Variants in RASSF2 observed in about 807,000 individuals in gnomAD.
RASSF2 encodes Ras association domain family member 2, also known as ras association domain-containing protein 2.
Under a neutral mutation model 46.3 loss-of-function variants are expected in RASSF2, and 34 were observed. The observed-to-expected ratio is 0.73, with a 90% confidence interval of 0.56 to 0.98. The LOEUF is 0.98. Among genes scored for constraint, RASSF2 ranks in the 50% least tolerant of loss-of-function variants. The pLI is 0.00. For synonymous variants in RASSF2, 158 were observed against 162.5 expected (o/e 0.97, Z 0.21); for missense variants, 364 against 431.2 (o/e 0.84, Z 1.38).
chr20:4,789,723 G>C (rs374042882), intron 7 of RASSF2, 26 bp from the exon 8 acceptor site: 13 of 1,594,082 alleles, frequency 8.2e-6, no homozygotes, highest in African/African-American at 2.7e-5. Context: ...CCCAGCTCAG[G>C]GTGGGAGTGG....
chr20:4,821,217 G>A (rs897171383), intron 2 of RASSF2, among the ~76,000 whole-genome samples: 13 of 152,080 alleles, frequency 8.5e-5, no homozygotes, highest in African/African-American at 2.7e-4. Context: ...AGGGTTGTCC[G>A]CCACACCAAC....
intron 2 of RASSF2, among the ~76,000 whole-genome samples, chr20:4,815,490 C>T (rs1928230428): frequency 6.6e-6 from 1 of 152,200 alleles, no homozygotes; most frequent in Non-Finnish European, 1.5e-5. Flanking sequence ...ATTCAACAAC[C>T]AGCCCTACAG....
At chr20:4,809,392 C>T (rs925793025) in intron 2 of RASSF2, among the ~76,000 whole-genome samples, 1 of 152,042 alleles carries the variant, frequency 6.6e-6, no homozygotes, top group Admixed American at 6.6e-5. Flanking sequence ...GTTCTAGCCT[C>T]GACCCTCATC....
intron 5 of RASSF2, chr20:4,792,848 G>C: frequency 2.4e-6 from 2 of 832,448 alleles, no homozygotes; most frequent in Non-Finnish European, 3.6e-6. Flanking sequence ...GGGGCAGGGG[G>C]AGTTCCGGAG....
intron 11 of RASSF2, among the ~76,000 whole-genome samples, chr20:4,784,622 A>G (rs1214485404): frequency 6.6e-6 from 1 of 151,964 alleles, no homozygotes; most frequent in Non-Finnish European, 1.5e-5. Context: ...AAAAGGTAAA[A>G]AAAAACAACA....
chr20:4,813,858 T>C (rs1426376648), intron 2 of RASSF2, among the ~76,000 whole-genome samples: 1 of 151,888 alleles, frequency 6.6e-6, no homozygotes. Flanking sequence ...TCCACATGTA[T>C]GGTGTGTGTG....
At chr20:4,811,115 A>G (rs1460074801) in intron 2 of RASSF2, among the ~76,000 whole-genome samples, 1 of 150,060 alleles carries the variant, frequency 6.7e-6, no homozygotes, top group Non-Finnish European at 1.5e-5. Context: ...ATTGCAGCAC[A>G]GCACAAGGAC....
chr20:4,814,005 G>A (rs1189913550), intron 2 of RASSF2, among the ~76,000 whole-genome samples: 2 of 152,200 alleles, frequency 1.3e-5, no homozygotes, highest in African/African-American at 2.4e-5. Flanking sequence ...CAAGGGGAGA[G>A]TGGAAAGTTG....
intron 2 of RASSF2, among the ~76,000 whole-genome samples, chr20:4,818,936 T>C (rs1414280769): frequency 6.6e-6 from 1 of 152,210 alleles, no homozygotes; most frequent in Non-Finnish European, 1.5e-5. Flanking sequence ...ATCTTACAGT[T>C]GTGGAAACTG....
intron 9 of RASSF2, 31 bp from the exon 10 acceptor site, chr20:4,787,785 GA>G: frequency 2.5e-6 from 4 of 1,613,596 alleles, no homozygotes; most frequent in Non-Finnish European, 3.4e-6. Context: ...GAGCAGCCCT[GA>G]GAGGCCTTTC....
chr20:4,801,778 G>A (rs181973625), intron 2 of RASSF2, among the ~76,000 whole-genome samples: 91 of 151,920 alleles, frequency 6.0e-4, no homozygotes, highest in Non-Finnish European at 9.4e-4. Flanking sequence ...CACTCTCTTC[G>A]CCCAGGCTGG....
At position 4,797,869 on chromosome 20, in the gene RASSF2, A is replaced by G. The variant is rs1462230985; in HGVS notation, c.135+141T>C. On this transcript the variant is annotated intron_variant, in intron 4 of 11. Coordinates refer to ENST00000379400, the MANE Select transcript of RASSF2 (RefSeq NM_014737.3). ...TGGGCCTGGAGTCTTCTTCCAAAGA[A>G]CCCCAAGGACTCTCACTAGCAACCT... 5.8e-6 allele frequency: 8 copies of G among 1,379,480 alleles called. No homozygotes were observed. The Admixed American group carries it at 2.0e-4, about 35-fold the overall frequency. The allele number at this position is 1,379,480 out of a possible 1,614,324, so 85.5% of individuals were successfully genotyped here.
rs1924661357 is a variant in RASSF2, at chr20:4,780,156, G to C, written c.*4117C>G. On this transcript the variant is annotated 3_prime_UTR_variant, in exon 12 of 12. Transcript: ENST00000379400. ...GTTAGATGAGTAAACGCATCAGTGT[G>C]TAAGTTCAGAACCAAACGTTGAATC... 1 of 152,234 alleles carries C rather than the reference G, an allele frequency of 6.6e-6. No homozygotes were observed. The highest frequency in any genetic ancestry group is 6.5e-5 in the Admixed American group (1 of 15,282). The allele number at this position is 152,234 out of a possible 1,614,324, so 9.4% of individuals were successfully genotyped here. A position where few individuals can be genotyped will look rare whatever the true frequency, so the allele number is the denominator to read the frequency against.
rs570320480 is a variant in RASSF2, at chr20:4,822,986, A to C, written c.-108+571T>G. On this transcript the variant is annotated intron_variant, in intron 1 of 11. Transcript: ENST00000379400. ...CCCATCGCGGGCTCAAAAAGAAGGAAGGACGCCCCCAGGGGTCGTAGAAGG... is the reference window on the plus strand; with the variant it reads ...CCCATCGCGGGCTCAAAAAGAAGGACGGACGCCCCCAGGGGTCGTAGAAGG... 3.9e-5 allele frequency among the ~76,000 whole-genome samples: 6 copies of C among 152,252 alleles called. No homozygotes were observed. The East Asian group carries it at 1.2e-3, about 30-fold the overall frequency.
chr20:4,784,401 C>T, intron 11 of RASSF2, 59 bp from the exon 12 acceptor site: 2 of 1,527,012 alleles, frequency 1.3e-6, no homozygotes, highest in Non-Finnish European at 1.8e-6. Context: ...CTGCCCAGGA[C>T]CTTCCCGGCC....
intron 2 of RASSF2, 92 bp from the exon 3 acceptor site, chr20:4,801,154 A>T: frequency 2.2e-6 from 2 of 891,116 alleles, no homozygotes. Flanking sequence ...ACAAAATTGG[A>T]CGCCATGGCT....
intron 11 of RASSF2, among the ~76,000 whole-genome samples, chr20:4,785,208 G>A (rs556759866): frequency 3.3e-5 from 5 of 151,354 alleles, no homozygotes; most frequent in African/African-American, 9.7e-5. Context: ...ATATGGTGGC[G>A]CATGCCTGTA....
At chr20:4,815,531 G>A (rs762068649) in intron 2 of RASSF2, among the ~76,000 whole-genome samples, 22 of 152,192 alleles carry the variant, frequency 1.4e-4, no homozygotes, top group Middle Eastern at 3.2e-3. Flanking sequence ...CAGGGCAAGC[G>A]TTGGGCACAC....
chr20:4,795,692 G>A lies in RASSF2; in HGVS notation c.287+123C>T. On this transcript the variant is annotated intron_variant, in intron 5 of 11. Transcript: ENST00000379400. This position sits in a 1 kb window ranked among gnomAD's most constrained non-coding sequence, Gnocchi z 4.0. ...CCAAGGCTAAGGCAGGTGGGCAGTA[G>A]AGGTAGTAGGAGGAGGAGCCAGGGT... The A allele has an allele frequency of 8.3e-7, 1 of 1,206,098 alleles. No homozygotes were observed. The highest frequency in any genetic ancestry group is 2.7e-5 in the East Asian group (1 of 36,680). 74.7% of individuals were successfully genotyped at this position (1,206,098 alleles called of 1,614,324 possible). A position where few individuals can be genotyped will look rare whatever the true frequency, so the allele number is the denominator to read the frequency against.
Sources: gnomAD v4.1 joint callset for allele counts (sites outside exome capture counted in the v4.1 genomes callset) on GRCh38, gnomAD v4.1.1 for gene constraint, Gnocchi (gnomAD v3.1) non-coding constraint, MANE v1.5 for transcripts, NCBI Gene and HGNC (gene_info 2026-07-23, HGNC 2026-07-21) for gene names.